The following AATK variants were observed in gnomAD, a reference collection of about 807,000 sequenced individuals.
The protein encoded by AATK is serine/threonine-protein kinase LMTK1.
In AATK, 91 loss-of-function variants were observed where a neutral mutation model predicts 114.3. That is an observed-to-expected ratio of 0.80 (90% CI 0.67 to 0.95). The LOEUF (loss-of-function observed/expected upper bound fraction) is 0.95. AATK is among the 40% of genes least tolerant of loss of function. The pLI is 0.00. For missense variants in AATK, 2,176 were observed against 1,965.2 expected (o/e 1.11, Z -2.03); for synonymous variants, 1,075 against 916.5 (o/e 1.17, Z -3.12).
At chr17:81,141,400 GA>G (rs939808792) in intron 1 of AATK, among the ~76,000 whole-genome samples, 27 of 152,334 alleles carry the variant, frequency 1.8e-4, no homozygotes, top group Non-Finnish European at 3.1e-4. Flanking sequence ...GCGGTGAGCT[GA>G]GATTGAGCCA....
chr17:81,165,324 C>T (rs2061473333), intron 1 of AATK, among the ~76,000 whole-genome samples: 1 of 152,208 alleles, frequency 6.6e-6, no homozygotes, highest in Non-Finnish European at 1.5e-5. Flanking sequence ...GGGTAAGAGG[C>T]CTGGCCTCAG....
chr17:81,154,813 A>G (rs1191949103), intron 1 of AATK, among the ~76,000 whole-genome samples: 2 of 110,418 alleles, frequency 1.8e-5, no homozygotes, highest in African/African-American at 5.2e-5. Flanking sequence ...TATTTTTAGT[A>G]GAGACGGGGT....
intron 3 of AATK, among the ~76,000 whole-genome samples, chr17:81,129,249 G>C (rs1027832647): frequency 6.6e-6 from 1 of 152,226 alleles, no homozygotes; most frequent in African/African-American, 2.4e-5. Context: ...CTCCTTCCAG[G>C]GCCTGGAGAC....
At chr17:81,119,355 T>TC (rs1568216182) in intron 13 of AATK, 25 bp downstream of exon 13, 2 of 344,594 alleles carry the variant, frequency 5.8e-6, no homozygotes. Context: ...CGTGCCCTTC[T>TC]GCCACAGCCC....
chr17:81,125,350 C>CCT (rs1470785254), intron 7 of AATK: 1 of 667,206 alleles, frequency 1.5e-6, no homozygotes, highest in Non-Finnish European at 2.9e-6. Flanking sequence ...TCTCCAGGAC[C>CCT]CTCTCCTCCT....
intron 1 of AATK, among the ~76,000 whole-genome samples, chr17:81,143,330 G>A (rs1057184211): frequency 1.3e-5 from 2 of 152,208 alleles, no homozygotes; most frequent in African/African-American, 4.8e-5. Flanking sequence ...CTACAGGGCT[G>A]TCCCTAGGAC....
chr17:81,122,180 C>T lies in AATK; in HGVS notation c.1756G>A (p.Val586Ile). The T allele has an allele frequency of 2.7e-6, 4 of 1,508,704 alleles. No individual in the cohort carries two copies. Among genetic ancestry groups the T allele is most frequent in the Non-Finnish European group, 3.5e-6 (4 of 1,129,756 alleles). The allele number at this position is 1,508,704 out of a possible 1,614,324, so 93.5% of individuals were successfully genotyped here. A position where few individuals can be genotyped will look rare whatever the true frequency, so the allele number is the denominator to read the frequency against. ...PLLGHGPPVD[V>I]PWGRGDHYPR... ...TAGTGGTCGCCGCGGCCCCAGGGGA[C>T]GTCGACGGGTGGCCCGTGGCCCAGC... Residue 586 changes from valine to isoleucine, a missense_variant, in exon 11 of 14, where the codon GTC (valine) becomes ATC (isoleucine). Physicochemically the swap from Val to Ile is conservative, Grantham distance 29 (BLOSUM62 3). This residue lies in a region of AATK where 1,701 missense variants were observed against 1,394.7 expected (regional missense o/e 1.22). Transcript: ENST00000326724.
At chr17:81,122,898 G>T (rs1483330066) in intron 10 of AATK, 75 bp from the exon 11 acceptor site, 9 of 1,318,064 alleles carry the variant, frequency 6.8e-6, no homozygotes, top group Non-Finnish European at 8.0e-6. Flanking sequence ...AGGGATGGGG[G>T]TTCCCCTAAC....
chr17:81,131,304 G>A, intron 2 of AATK, 99 bp from the exon 3 acceptor site: 1 of 1,433,534 alleles, frequency 7.0e-7, no homozygotes. Context: ...GAGCTCCCAG[G>A]GCAGGGCAGG....
chr17:81,128,705 C>T (rs1374625429), intron 3 of AATK, 156 bp from the exon 4 acceptor site: 9 of 1,454,424 alleles, frequency 6.2e-6, no homozygotes, highest in Non-Finnish European at 7.3e-6. Context: ...CATCAGGAGC[C>T]AGGGTCTCTT....
intron 1 of AATK, among the ~76,000 whole-genome samples, chr17:81,144,658 T>C (rs1031301032): frequency 2.6e-5 from 4 of 152,338 alleles, no homozygotes; most frequent in African/African-American, 9.6e-5. Context: ...AAAGCTTCTG[T>C]CTTCATCAAA....
intron 1 of AATK, among the ~76,000 whole-genome samples, chr17:81,141,022 TG>T (rs2061129800): frequency 9.8e-6 from 1 of 102,008 alleles, no homozygotes; most frequent in Non-Finnish European, 2.2e-5. Flanking sequence ...CCATGAGCCG[TG>T]GGGACCGTGG....
chr17:81,149,135 C>A (rs1449151254), intron 1 of AATK, among the ~76,000 whole-genome samples: 2 of 152,148 alleles, frequency 1.3e-5, no homozygotes, highest in African/African-American at 4.8e-5. Context: ...GGCAGCCCCG[C>A]CAGCCTCCTC....
chr17:81,163,629 C>A (rs932198989), intron 1 of AATK, among the ~76,000 whole-genome samples: 54 of 152,238 alleles, frequency 3.5e-4, no homozygotes, highest in African/African-American at 1.3e-3. Context: ...GCGGCTCTTC[C>A]TGGCACTCAA....
At position 81,126,354 on chromosome 17, in the gene AATK, C is replaced by T. The variant is rs2060824538; in HGVS notation, c.755+73G>A. ...CTCGCAAGCCCCCTGAGGCAGGACCCGCCCTATGCCCTTCCTTCAGGGGAG... is the reference window on the plus strand; with the variant it reads ...CTCGCAAGCCCCCTGAGGCAGGACCTGCCCTATGCCCTTCCTTCAGGGGAG... On this transcript the variant is annotated intron_variant, in intron 7 of 13. Coordinates refer to ENST00000326724, the MANE Select transcript of AATK (RefSeq NM_001080395.3). This position sits in a 1 kb window ranked among gnomAD's most constrained non-coding sequence, Gnocchi z 5.1. 1.4e-5 allele frequency: 21 copies of T among 1,494,266 alleles called. No individual in the cohort carries two copies. The highest frequency in any genetic ancestry group is 2.1e-5 in the Admixed American group (1 of 47,072). The allele number at this position is 1,494,266 out of a possible 1,614,324, so 92.6% of individuals were successfully genotyped here.
At position 81,127,608 on chromosome 17, in the gene AATK, A is replaced by C. The variant is rs748166132; in HGVS notation, c.596T>G (p.Leu199Arg). The change falls in exon 6 of 14, where the codon CTG becomes CGG. Residue 199 changes from leucine to arginine, a missense_variant. This residue lies in a region of AATK where 273 missense variants were observed against 344.1 expected (regional missense o/e 0.79). Coordinates refer to ENST00000326724, the MANE Select transcript of AATK (RefSeq NM_001080395.3). ...CAGTGGGCAGAACTCCATCACCAGC[A>C]GGTAGGGCGTCACCTCGGCGCACTG... ...LAQCAEVTPYLLVMEFCPLGD... is the reference protein window; with the variant it reads ...LAQCAEVTPYRLVMEFCPLGD... 1 of 1,602,336 alleles carries C rather than the reference A, an allele frequency of 6.2e-7. No homozygotes were observed. The highest frequency in any genetic ancestry group is 8.5e-7 in the Non-Finnish European group (1 of 1,175,088).
At chr17:81,119,799 G>A (rs1312140966) in intron 12 of AATK, 137 bp downstream of exon 12, 5 of 1,315,396 alleles carry the variant, frequency 3.8e-6, no homozygotes, top group Non-Finnish European at 4.0e-6. Flanking sequence ...ATGACGACAC[G>A]GGCCAAAGCC....
intron 10 of AATK, among the ~76,000 whole-genome samples, 154 bp downstream of exon 10, chr17:81,123,039 AG>A (rs1421952065): frequency 6.6e-6 from 1 of 152,126 alleles, no homozygotes; most frequent in African/African-American, 2.4e-5. Flanking sequence ...CCCTGTACAC[AG>A]GGGTGCAGAG....
chr17:81,165,233 TG>T lies in AATK; in HGVS notation c.55+704del, dbSNP rs758073595. On this transcript the variant is annotated intron_variant, in intron 1 of 13. Coordinates refer to ENST00000326724, the MANE Select transcript of AATK (RefSeq NM_001080395.3). ...GCTTCCAGCTGTCCCCAGCCCCCTCTGCCTATCCCAGCTGTCCACCACAGCC... is the reference window on the plus strand; with the variant it reads ...GCTTCCAGCTGTCCCCAGCCCCCTCTCCTATCCCAGCTGTCCACCACAGCC... 6.1e-4 allele frequency among the ~76,000 whole-genome samples: 93 copies of T among 152,316 alleles called. No individual in the cohort carries two copies. The Middle Eastern group carries it at 0.01, about 17-fold the overall frequency.
Sources: allele counts gnomAD v4.1 joint callset (sites outside exome capture counted in the v4.1 genomes callset), GRCh38; gene constraint gnomAD v4.1.1; regional missense constraint gnomAD v4.1.1; non-coding constraint Gnocchi (gnomAD v3.1); transcripts MANE v1.5; gene names NCBI Gene and HGNC (gene_info 2026-07-23, HGNC 2026-07-21).